SRPX: variants seen among roughly 807,000 people sequenced by gnomAD.
SRPX encodes the protein sushi repeat-containing protein SRPX.
SRPX carries 24 observed loss-of-function variants against 38.1 expected under a neutral mutation model. The ratio of observed to expected loss-of-function variants is 0.63; its 90% confidence interval spans 0.46 to 0.89. The LOEUF is 0.89. Ranked by LOEUF, SRPX falls within the 40% of genes least tolerant of loss-of-function variation. SRPX has a pLI of 0.00. For synonymous variants in SRPX, 184 were observed against 153.8 expected, an observed-to-expected ratio of 1.20 and a Z score of -1.45; for missense variants, 416 against 377.8, an observed-to-expected ratio of 1.10 and a Z score of -0.84.
At position 38,154,476 on chromosome X, in the gene SRPX, T is replaced by C. The variant is rs747378743; in HGVS notation, c.1197A>G (p.Leu399=). Residue 399 remains leucine (L), a synonymous_variant, in exon 9 of 10, where the codon CTA becomes CTG. Transcript: ENST00000378533. ...CTTCCCCCTACCTGAGCTGCAGCGC[T>C]AGGGCTGGAGGCATAATCTTTGCTC... The part of the protein sequence containing the change: ...RIGAKIMPPA[L]ALQLRLLLRI... 1 of 1,205,227 alleles carries C rather than the reference T, an allele frequency of 8.3e-7. No homozygotes were observed. The highest frequency in any genetic ancestry group is 1.1e-6 in the Non-Finnish European group (1 of 892,293).
chrX:38,179,002 A>G (rs1938619652), intron 1 of SRPX, among the ~76,000 whole-genome samples: 1 of 100,419 alleles, frequency 1.0e-5, no homozygotes, highest in Admixed American at 1.1e-4. Context: ...GCTGGAGTGC[A>G]ATGGTGTGAT....
intron 2 of SRPX, among the ~76,000 whole-genome samples, chrX:38,174,560 T>C (rs1695860316): frequency 9.0e-6 from 1 of 111,614 alleles, no homozygotes; most frequent in Admixed American, 9.5e-5. Context: ...TGAGTTCCTC[T>C]ATAACTGACT....
At position 38,160,064 on chromosome X, in the gene SRPX, A is replaced by C; in HGVS notation, c.908T>G (p.Val303Gly). The C allele has an allele frequency of 1.7e-6, 2 of 1,211,071 alleles. No homozygotes were observed. Among genetic ancestry groups the C allele is most frequent in the African/African-American group, 3.5e-5 (2 of 57,801 alleles). The change falls in exon 7 of 10, where the codon GTA becomes GGA. Residue 303 changes from valine (V) to glycine (G), a missense_variant. Val to Gly is a moderately radical substitution (Grantham distance 109). Transcript: ENST00000378533. Reference sequence around the variant, plus strand: ...AGACCAAGCCAGGTTGGATTGACATACTCGGGCAGGGCTACCCTGGAGCTC... The same window carrying C: ...AGACCAAGCCAGGTTGGATTGACATCCTCGGGCAGGGCTACCCTGGAGCTC... Reference protein sequence around the residue: ...GYELQGSPARVCQSNLAWSGT... With the variant: ...GYELQGSPARGCQSNLAWSGT...
intron 1 of SRPX, among the ~76,000 whole-genome samples, chrX:38,205,120 A>T (rs1939185978): frequency 8.9e-6 from 1 of 112,505 alleles, no homozygotes; most frequent in African/African-American, 3.2e-5. Flanking sequence ...TCTGTCACAT[A>T]AAGTCCAGTG....
intron 1 of SRPX, among the ~76,000 whole-genome samples, chrX:38,217,624 T>TA (rs774592010): frequency 4.5e-5 from 5 of 111,671 alleles, no homozygotes; most frequent in Admixed American, 1.9e-4. Flanking sequence ...AGTGATGTGA[T>TA]AAAAAACAGT....
In SRPX at chrX:38,160,021, A is replaced by G; in HGVS notation, c.951T>C (p.Cys317=). 2 of 1,210,002 alleles carry G rather than the reference A, an allele frequency of 1.7e-6. No homozygotes were observed. Among genetic ancestry groups the G allele is most frequent in the Non-Finnish European group, 2.2e-6 (2 of 894,446 alleles). ...CTGGAGGGGCGGCATACCTACCTGC[A>G]CAGGTGGGCTCCGTGCCAGACCAAG... The part of the protein sequence containing the change: ...NLAWSGTEPT[C]AAMNVNVGVR... Residue 317 remains cysteine (C), a synonymous_variant, in exon 7 of 10, where the codon TGT becomes TGC. Coordinates refer to ENST00000378533, the MANE Select transcript of SRPX (RefSeq NM_006307.5).
At chrX:38,178,224 C>T in intron 2 of SRPX, 61 bp downstream of exon 2, 1 of 960,208 alleles carries the variant, frequency 1.0e-6, no homozygotes, top group East Asian at 3.1e-5. Context: ...TTTCACAAGG[C>T]AAAAAGGAAA....
In SRPX at chrX:38,160,004, G is replaced by A. The variant is rs772362095; in HGVS notation, c.955+13C>T. On this transcript the variant is annotated intron_variant, in intron 7 of 9. Transcript: ENST00000378533. ...ACAGGTTCTGCTGCAGGCTGGAGGG[G>A]CGGCATACCTACCTGCACAGGTGGG... The A allele has an allele frequency of 2.7e-5, 33 of 1,203,400 alleles. No homozygotes were observed. Among genetic ancestry groups the A allele is most frequent in the Non-Finnish European group, 3.4e-5 (30 of 891,068 alleles).
intron 1 of SRPX, among the ~76,000 whole-genome samples, chrX:38,189,685 G>A (rs1277055681): frequency 9.0e-6 from 1 of 111,641 alleles, no homozygotes; most frequent in Non-Finnish European, 1.9e-5. Context: ...AGCTCCCCCA[G>A]TTTATCTTTC....
chrX:38,157,001 C>A lies in SRPX; in HGVS notation c.984G>T (p.Thr328=), dbSNP rs775079854. The A allele has an allele frequency of 1.6e-5, 19 of 1,211,189 alleles. No homozygotes were observed. In the South Asian group the frequency reaches 2.6e-4, roughly 17 times the overall value. The stretch of plus-strand genomic sequence containing the variant: ...AAAACTGATCCAGAAGTGCAGCTGC[C>A]GTTCTGACACCCACATTGACGTTCA... ...AAMNVNVGVR[T]AAALLDQFYE... The change falls in exon 8 of 10, where the codon ACG becomes ACT. Residue 328 remains threonine (T), a synonymous_variant. Transcript: ENST00000378533.
intron 1 of SRPX, among the ~76,000 whole-genome samples, chrX:38,219,315 A>G (rs968037905): frequency 9.1e-6 from 1 of 110,036 alleles, no homozygotes; most frequent in African/African-American, 3.3e-5. Context: ...CGGAAAAGCT[A>G]CCTCTAGCTT....
chrX:38,160,731 GCAACACTGACGCC>G (rs1304913077), intron 6 of SRPX, among the ~76,000 whole-genome samples, 189 bp downstream of exon 6: 1 of 110,851 alleles, frequency 9.0e-6, no homozygotes, highest in Non-Finnish European at 1.9e-5. Context: ...AAATAATCTG[GCAACACTGACGCC>G]CATCCGGATG....
chrX:38,194,487 A>G (rs976367622), intron 1 of SRPX, among the ~76,000 whole-genome samples: 3 of 112,252 alleles, frequency 2.7e-5, no homozygotes, highest in Non-Finnish European at 5.6e-5. Context: ...AACAAAGTCA[A>G]AGATATGTAT....
At chrX:38,182,234 C>A in intron 1 of SRPX, among the ~76,000 whole-genome samples, 1 of 112,392 alleles carries the variant, frequency 8.9e-6, no homozygotes, top group East Asian at 2.8e-4. Context: ...GATTCGAATC[C>A]TGTCTGCCTG....
chrX:38,152,370 G>GGT (rs1938033244), intron 9 of SRPX, among the ~76,000 whole-genome samples: 3 of 112,152 alleles, frequency 2.7e-5, no homozygotes, highest in Non-Finnish European at 5.6e-5. Flanking sequence ...TTCCTTGAAG[G>GGT]CTGCTGGGCA....
At position 38,178,334 on chromosome X, in the gene SRPX, G is replaced by A. The variant is rs142117471; in HGVS notation, c.108C>T (p.Asp36=). 6.8e-4 allele frequency: 824 copies of A among 1,206,791 alleles called. No individual in the cohort carries two copies. The highest frequency in any genetic ancestry group is 9.0e-4 in the Non-Finnish European group (804 of 893,128). Residue 36 remains aspartate, a synonymous_variant, in exon 2 of 10, where the codon GAC becomes GAT. Coordinates refer to ENST00000378533, the MANE Select transcript of SRPX (RefSeq NM_006307.5). ...CGACTTCATCGTCTTCTAGTGGTGA[G>A]TCTCCCGATCCTACAATAAAAAAGA... The part of the protein sequence containing the change: ...PPSRSFPGSG[D]SPLEDDEVGY...
chrX:38,168,473 G>C (rs1389881939), intron 4 of SRPX, among the ~76,000 whole-genome samples: 1 of 112,301 alleles, frequency 8.9e-6, no homozygotes, highest in Non-Finnish European at 1.9e-5. Flanking sequence ...ACATACAGCA[G>C]AGATGAGCTG....
intron 7 of SRPX, among the ~76,000 whole-genome samples, chrX:38,157,273 A>G (rs892549869): frequency 2.4e-4 from 27 of 111,731 alleles, no homozygotes; most frequent in African/African-American, 8.8e-4. Context: ...ATACAAACTT[A>G]TTCTTTTAGA....
chrX:38,203,676 G>A (rs1939157152), intron 1 of SRPX, among the ~76,000 whole-genome samples: 1 of 112,268 alleles, frequency 8.9e-6, no homozygotes, highest in African/African-American at 3.2e-5. Context: ...CTACTCAGGA[G>A]GCTGAGGTGG....
Sources: gnomAD v4.1 joint callset for allele counts (sites outside exome capture counted in the v4.1 genomes callset) on GRCh38, gnomAD v4.1.1 for gene constraint, MANE v1.5 for transcripts, NCBI Gene and HGNC (gene_info 2026-07-23, HGNC 2026-07-21) for gene names.